Variants in RYR2 observed in about 807,000 individuals in gnomAD.
RYR2 encodes the protein cardiac muscle ryanodine receptor-calcium release channel.
A neutral mutation model predicts 601.1 loss-of-function variants in RYR2; 227 were observed. The ratio of observed to expected loss-of-function variants is 0.38; its 90% CI spans 0.34 to 0.42. The LOEUF (loss-of-function observed/expected upper bound fraction) is 0.42. RYR2 is among the 10% of genes least tolerant of loss of function. The pLI is 1.00. For missense variants in RYR2, 4,646 were observed against 6,156.5 expected (o/e 0.75, Z 8.21); for synonymous variants, 2,223 against 2,175.1 (o/e 1.02, Z -0.61).
At chr1:237,295,076 C>T (rs984589901) in intron 2 of RYR2, among the ~76,000 whole-genome samples, 12 of 151,900 alleles carry the variant, frequency 7.9e-5, no homozygotes, top group African/African-American at 2.4e-4. Context: ...ATTAGCCGGG[C>T]GTGGCAGTGT....
chr1:237,707,789 G>A (rs1688502863), intron 68 of RYR2, among the ~76,000 whole-genome samples: 2 of 152,086 alleles, frequency 1.3e-5, no homozygotes, highest in African/African-American at 4.8e-5. Context: ...GTTTGTTTAT[G>A]AGATGGAGTT....
At chr1:237,379,861 G>C (rs1285724808) in intron 8 of RYR2, among the ~76,000 whole-genome samples, 1 of 152,122 alleles carries the variant, frequency 6.6e-6, no homozygotes, top group Non-Finnish European at 1.5e-5. Context: ...AGCCAACCAG[G>C]TTGTTAAAAT....
intron 25 of RYR2, among the ~76,000 whole-genome samples, chr1:237,537,465 C>T (rs1179387294): frequency 1.3e-5 from 2 of 152,132 alleles, no homozygotes; most frequent in African/African-American, 2.4e-5. Flanking sequence ...AGGCGCCCGC[C>T]ACCACGCCCA....
At chr1:237,380,888 G>C (rs1440908838) in intron 8 of RYR2, among the ~76,000 whole-genome samples, 4 of 151,976 alleles carry the variant, frequency 2.6e-5, no homozygotes, top group African/African-American at 9.7e-5. Flanking sequence ...GACCAGCCTG[G>C]CCAACATGGT....
chr1:237,599,114 G>A (rs186946357), intron 34 of RYR2, among the ~76,000 whole-genome samples: 76 of 152,272 alleles, frequency 5.0e-4, no homozygotes, highest in African/African-American at 1.5e-3. Context: ...GATTAATAGT[G>A]AGTGAGGAAA....
chr1:237,253,090 G>A (rs1203807210), intron 1 of RYR2, among the ~76,000 whole-genome samples: 28 of 150,980 alleles, frequency 1.9e-4, no homozygotes, highest in Non-Finnish European at 7.4e-5. Context: ...GCTTGTACCC[G>A]GAGAGGGAGA....
chr1:237,042,932 G>A (rs1660094211), intron 1 of RYR2, among the ~76,000 whole-genome samples: 9 of 152,172 alleles, frequency 5.9e-5, no homozygotes, highest in Admixed American at 5.9e-4. Context: ...GGGACCTCCC[G>A]GGCGGCCGGG....
rs1683182879 is a variant in RYR2, at chr1:237,655,763, C to G, written c.7966-58C>G. 3 of 1,485,648 alleles carry G rather than the reference C, an allele frequency of 2.0e-6. No individual in the cohort carries two copies. The South Asian group carries it at 3.9e-5, about 19-fold the overall frequency. 92.0% of individuals were successfully genotyped at this position (1,485,648 alleles called of 1,614,324 possible). Reference sequence around the variant, plus strand: ...GCAACCTTCTGTCAGCCCTGATGATCATGCTGACAACTTTTGCCATATAGT... The same window carrying G: ...GCAACCTTCTGTCAGCCCTGATGATGATGCTGACAACTTTTGCCATATAGT... On this transcript the variant is annotated intron_variant, in intron 52 of 104. Coordinates refer to ENST00000366574, the MANE Select transcript of RYR2 (RefSeq NM_001035.3).
chr1:237,439,831 CAA>C (rs11348643), intron 12 of RYR2, among the ~76,000 whole-genome samples: 37 of 148,290 alleles, frequency 2.5e-4, no homozygotes, highest in East Asian at 9.9e-4. Flanking sequence ...AAGAAAAGAC[CAA>C]AAAAAAAAAA....
intron 16 of RYR2, among the ~76,000 whole-genome samples, chr1:237,464,990 A>G (rs1474179347): frequency 6.6e-6 from 1 of 152,010 alleles, no homozygotes; most frequent in Non-Finnish European, 1.5e-5. Flanking sequence ...CACATAACTG[A>G]TATCTTCTTA....
At chr1:237,731,918 A>ACACC (rs753519564) in intron 77 of RYR2, 128 bp from the exon 78 acceptor site, 20 of 607,302 alleles carry the variant, frequency 3.3e-5, no homozygotes, top group African/African-American at 1.9e-4. Context: ...ACACACACAC[A>ACACC]CCCCACAACA....
chr1:237,782,286 G>A (rs1289124983), intron 89 of RYR2, among the ~76,000 whole-genome samples: 2 of 151,146 alleles, frequency 1.3e-5, no homozygotes, highest in African/African-American at 2.4e-5. Context: ...ACCTCTGGGA[G>A]GTATGACCCT....
intron 24 of RYR2, among the ~76,000 whole-genome samples, chr1:237,514,164 A>G (rs892157219): frequency 6.6e-6 from 1 of 152,216 alleles, no homozygotes; most frequent in African/African-American, 2.4e-5. Context: ...TTCATCTTTT[A>G]CAACAGAATG....
chr1:237,697,498 T>C (rs1045448422), intron 63 of RYR2, among the ~76,000 whole-genome samples: 1 of 145,110 alleles, frequency 6.9e-6, no homozygotes, highest in Non-Finnish European at 1.5e-5. Flanking sequence ...ATATATTATA[T>C]AATATAATTA....
chr1:237,290,164 G>T (rs1050396550), intron 2 of RYR2, among the ~76,000 whole-genome samples: 2 of 152,186 alleles, frequency 1.3e-5, no homozygotes, highest in Non-Finnish European at 2.9e-5. Flanking sequence ...CTGATAAAGG[G>T]ATACTATGTG....
At chr1:237,756,498 G>T (rs917279051) in intron 81 of RYR2, 111 bp downstream of exon 81, 1 of 630,530 alleles carries the variant, frequency 1.6e-6, no homozygotes, top group Non-Finnish European at 2.7e-6. Context: ...TGGGGTTTCT[G>T]GTTCATGACT....
chr1:237,816,151 G>C (rs1424861029), intron 100 of RYR2, among the ~76,000 whole-genome samples: 2 of 152,130 alleles, frequency 1.3e-5, no homozygotes, highest in African/African-American at 4.8e-5. Flanking sequence ...TTGGAATGGG[G>C]ACCCAAGAGA....
At chr1:237,587,141 A>G (rs1490462970) in intron 29 of RYR2, among the ~76,000 whole-genome samples, 1 of 152,228 alleles carries the variant, frequency 6.6e-6, no homozygotes, top group Admixed American at 6.5e-5. Flanking sequence ...TAATTATCGA[A>G]TAAGTAAATG....
rs1441184989 is a variant in RYR2, at chr1:237,697,466, TATATA to T, written c.9068-1493_9068-1489del. ...ATTTATGTAAATATATATTATATGA[TATATA>T]ATATATTTATAGAAATATATATTAT... On this transcript the variant is annotated intron_variant, in intron 63 of 104. Transcript: ENST00000366574. Among the ~76,000 whole-genome samples, 19 of 144,188 alleles carry T rather than the reference TATATA, an allele frequency of 1.3e-4. 1 individual carries two copies. Among genetic ancestry groups the T allele is most frequent in the East Asian group, 2.0e-4 (1 of 5,108 alleles). The allele number at this position is 144,188 out of a possible 152,430, so 94.6% of individuals were successfully genotyped here. A position where few individuals can be genotyped will look rare whatever the true frequency, so the allele number is the denominator to read the frequency against.
Sources: allele counts gnomAD v4.1 joint callset (sites outside exome capture counted in the v4.1 genomes callset), GRCh38; gene constraint gnomAD v4.1.1; transcripts MANE v1.5; gene names NCBI Gene and HGNC (gene_info 2026-07-23, HGNC 2026-07-21).